The following TMTC1 variants were observed in gnomAD, a reference collection of about 807,000 sequenced individuals.
TMTC1 encodes the protein transmembrane O-mannosyltransferase targeting cadherins 1.
Under a neutral mutation model 104.8 loss-of-function variants are expected in TMTC1, and 73 were observed. The observed-to-expected ratio is 0.70, with a 90% CI of 0.58 to 0.85. The LOEUF (loss-of-function observed/expected upper bound fraction) is 0.85, where lower values mean the gene tolerates loss of function less well. Ranked by LOEUF, TMTC1 falls within the 40% of genes least tolerant of loss-of-function variation. TMTC1 has a pLI of 0.00. For synonymous variants in TMTC1, 434 were observed against 428.7 expected (o/e 1.01, Z -0.15); for missense variants, 1,035 against 1,096.1 (o/e 0.94, Z 0.79).
intron 6 of TMTC1, among the ~76,000 whole-genome samples, chr12:29,622,935 T>C (rs926827873): frequency 6.6e-6 from 1 of 152,150 alleles, no homozygotes; most frequent in Non-Finnish European, 1.5e-5. Context: ...TAAGACAAAC[T>C]AGAAACAATC....
intron 11 of TMTC1, among the ~76,000 whole-genome samples, chr12:29,530,200 G>A (rs1944463339): frequency 6.6e-6 from 1 of 152,084 alleles, no homozygotes; most frequent in Admixed American, 6.5e-5. Context: ...AGACCCCAGG[G>A]AAACCTTAAA....
At position 29,516,414 on chromosome 12, in the gene TMTC1, T is replaced by C. The variant is rs1409978129; in HGVS notation, c.2242A>G (p.Thr748Ala). ...KMTNHIVSEE[T>A]GCLECYRLLS... ...AGGCGATAGCATTCAAGGCATCCGG[T>C]CTCCTCTGACACAATGTGATTGGTC... Residue 748 changes from threonine (T) to alanine (A), a missense_variant, in exon 15 of 18, where the codon ACC becomes GCC. Physicochemically the swap from Thr to Ala is moderately conservative, Grantham distance 58 (BLOSUM62 0). Transcript: ENST00000539277. 6.2e-7 allele frequency: 1 copy of C among 1,614,032 alleles called. No individual in the cohort carries two copies. Among genetic ancestry groups the C allele is most frequent in the Admixed American group, 1.7e-5 (1 of 60,002 alleles).
At chr12:29,637,113 C>T (rs1938599942) in intron 5 of TMTC1, among the ~76,000 whole-genome samples, 1 of 150,778 alleles carries the variant, frequency 6.6e-6, no homozygotes, top group Admixed American at 6.9e-5. Flanking sequence ...CACACACACA[C>T]ACACACACAC....
chr12:29,531,507 A>G (rs1944502641), intron 11 of TMTC1, among the ~76,000 whole-genome samples: 1 of 152,218 alleles, frequency 6.6e-6, no homozygotes, highest in Non-Finnish European at 1.5e-5. Flanking sequence ...CAGTGGCCAG[A>G]GTCATAAACA....
rs140482437 is a variant in TMTC1 at position 29,678,676 on chromosome 12, T to C, written c.939-45340A>G. Reference sequence around the variant, plus strand: ...TTATCTTAACTAGTGGAGATGCCAATAGTAATGAGAAGTAGCATCAAAAAG... The same window carrying C: ...TTATCTTAACTAGTGGAGATGCCAACAGTAATGAGAAGTAGCATCAAAAAG... On this transcript the variant is annotated intron_variant, in intron 5 of 17. Coordinates refer to ENST00000539277, the MANE Select transcript of TMTC1 (RefSeq NM_001193451.2). Among the ~76,000 whole-genome samples, 51 of 152,276 alleles carry C rather than the reference T, an allele frequency of 3.3e-4. No homozygotes were observed. In the East Asian group the frequency reaches 7.7e-3, roughly 23 times the overall value.
At chr12:29,570,888 C>CCCCG (rs372700071) in intron 9 of TMTC1, among the ~76,000 whole-genome samples, 1 of 137,348 alleles carries the variant, frequency 7.3e-6, no homozygotes, top group Non-Finnish European at 1.6e-5. Context: ...AACACCCCCC[C>CCCCG]CCCCCGCCAA....
chr12:29,596,325 T>C (rs535213719), intron 7 of TMTC1, among the ~76,000 whole-genome samples: 93 of 152,248 alleles, frequency 6.1e-4, no homozygotes, highest in African/African-American at 2.1e-3. Context: ...TACTTTTCGT[T>C]ACCCAAACTT....
intron 5 of TMTC1, among the ~76,000 whole-genome samples, chr12:29,634,188 A>G (rs1044875413): frequency 1.3e-5 from 2 of 152,188 alleles, no homozygotes; most frequent in African/African-American, 4.8e-5. Flanking sequence ...AACACGTTAC[A>G]ACATGCCCCC....
chr12:29,688,207 A>G (rs1941155801), intron 5 of TMTC1, among the ~76,000 whole-genome samples: 1 of 152,194 alleles, frequency 6.6e-6, no homozygotes, highest in South Asian at 2.1e-4. Context: ...TGAAGGATGT[A>G]ACCATGCTTT....
rs1218391413 is a variant in TMTC1 at position 29,767,891 on chromosome 12, C to T, written c.480+7G>A. ...TCGTTATTTCACTGAGATCCAATTA[C>T]ACTTACCGCCTCAGTATGAATAGGA... is the stretch of plus-strand genomic sequence containing the variant. On this transcript the variant is annotated splice_region_variant and intron_variant, in intron 2 of 17. Coordinates refer to ENST00000539277, the MANE Select transcript of TMTC1 (RefSeq NM_001193451.2). The T allele has an allele frequency of 1.2e-6, 2 of 1,613,064 alleles. No homozygotes were observed. The highest frequency in any genetic ancestry group is 1.7e-6 in the Non-Finnish European group (2 of 1,179,546).
intron 8 of TMTC1, among the ~76,000 whole-genome samples, chr12:29,577,318 C>G (rs150128120): frequency 2.6e-5 from 4 of 151,484 alleles, no homozygotes; most frequent in African/African-American, 9.7e-5. Context: ...TCTGAACTGG[C>G]TTCCTTGGGG....
chr12:29,695,793 T>TTATATATATATATATATATATATATA lies in TMTC1; in HGVS notation c.938+55847_938+55872dup, dbSNP rs113135039. Among the ~76,000 whole-genome samples the TTATATATATATATATATATATATATA allele has an allele frequency of 9.4e-4, 79 of 83,758 alleles. 6 individuals carry two copies. Among genetic ancestry groups the TTATATATATATATATATATATATATA allele is most frequent in the Non-Finnish European group, 1.6e-3 (58 of 37,114 alleles). 54.9% of individuals were successfully genotyped at this position (83,758 alleles called of 152,430 possible). ...TCACAAATTTTAAACTACTTCCTTT[T>TTATATATATATATATATATATATATA]TATATATATATATATATATATATAT... On this transcript the variant is annotated intron_variant, in intron 5 of 17. Coordinates refer to ENST00000539277, the MANE Select transcript of TMTC1 (RefSeq NM_001193451.2).
At chr12:29,604,093 A>C in intron 7 of TMTC1, 85 bp downstream of exon 7, 1 of 1,567,084 alleles carries the variant, frequency 6.4e-7, no homozygotes, top group Non-Finnish European at 8.7e-7. Context: ...CTAATGGTCT[A>C]CACACAGAAG....
chr12:29,644,472 C>T (rs1939178839), intron 5 of TMTC1, among the ~76,000 whole-genome samples: 1 of 151,790 alleles, frequency 6.6e-6, no homozygotes, highest in African/African-American at 2.4e-5. Context: ...GGAACTTGCT[C>T]ACATAACCAA....
At chr12:29,710,705 A>G (rs906577102) in intron 5 of TMTC1, among the ~76,000 whole-genome samples, 1 of 139,244 alleles carries the variant, frequency 7.2e-6, no homozygotes, top group African/African-American at 2.7e-5. Context: ...ATTTATAAAT[A>G]TGTATTTATA....
At chr12:29,719,635 C>T (rs1942179743) in intron 5 of TMTC1, among the ~76,000 whole-genome samples, 1 of 152,170 alleles carries the variant, frequency 6.6e-6, no homozygotes, top group South Asian at 2.1e-4. Flanking sequence ...ATTGACTCTC[C>T]CTCTTGGGTG....
At chr12:29,678,018 A>C (rs915618986) in intron 5 of TMTC1, among the ~76,000 whole-genome samples, 3 of 152,214 alleles carry the variant, frequency 2.0e-5, no homozygotes, top group Non-Finnish European at 2.9e-5. Flanking sequence ...CATTCACTGG[A>C]GTTCTTGATA....
chr12:29,703,297 A>T (rs1451956709), intron 5 of TMTC1, among the ~76,000 whole-genome samples: 1 of 152,216 alleles, frequency 6.6e-6, no homozygotes, highest in African/African-American at 2.4e-5. Context: ...CTTTACTCCC[A>T]TGTATCAACC....
At chr12:29,580,956 G>A in intron 8 of TMTC1, among the ~76,000 whole-genome samples, 1 of 152,130 alleles carries the variant, frequency 6.6e-6, no homozygotes, top group Non-Finnish European at 1.5e-5. Flanking sequence ...ACCTTACACA[G>A]CGTTTCTCAA....
Sources: allele counts gnomAD v4.1 joint callset (sites outside exome capture counted in the v4.1 genomes callset), GRCh38; gene constraint gnomAD v4.1.1; transcripts MANE v1.5; gene names NCBI Gene and HGNC (gene_info 2026-07-23, HGNC 2026-07-21).